Variants in PITPNA observed in about 807,000 individuals in gnomAD.
PITPNA encodes phosphatidylinositol transfer protein alpha isoform.
PITPNA carries 13 observed loss-of-function variants against 50.3 expected under a neutral mutation model. The observed-to-expected ratio is 0.26, with a 90% CI of 0.17 to 0.41. The LOEUF (loss-of-function observed/expected upper bound fraction) is 0.41. Among genes scored for constraint, PITPNA ranks in the 10% least tolerant of loss-of-function variants. The probability of loss-of-function intolerance (pLI) is 1.00; values close to 1 mark genes in which losing one functional copy is unlikely to be tolerated. For missense variants in PITPNA, 207 were observed against 333.4 expected (o/e 0.62, Z 2.95); for synonymous variants, 120 against 119.6 (o/e 1.00, Z -0.02).
chr17:1,531,112 G>A (rs1442454752), intron 10 of PITPNA, among the ~76,000 whole-genome samples: 3 of 152,096 alleles, frequency 2.0e-5, no homozygotes, highest in African/African-American at 7.2e-5. Context: ...AGGACCCCAG[G>A]TGCTGCTAGG....
intron 10 of PITPNA, among the ~76,000 whole-genome samples, chr17:1,527,565 G>A (rs1287939438): frequency 6.6e-6 from 1 of 152,136 alleles, no homozygotes; most frequent in Non-Finnish European, 1.5e-5. Context: ...GTTTTTAACA[G>A]TGGTTTCCTT....
chr17:1,535,145 A>T (rs766779405), intron 9 of PITPNA, 37 bp downstream of exon 9: 2 of 1,271,542 alleles, frequency 1.6e-6, no homozygotes, highest in Non-Finnish European at 2.3e-6. Context: ...CAACACACAC[A>T]CGCAGTCACT....
At chr17:1,533,068 G>A (rs750423255) in intron 10 of PITPNA, among the ~76,000 whole-genome samples, 1 of 152,240 alleles carries the variant, frequency 6.6e-6, no homozygotes, top group Non-Finnish European at 1.5e-5. Flanking sequence ...CTGAGGCCCT[G>A]CAGGAGAGCT....
At chr17:1,551,506 TG>T (rs2075709154) in intron 3 of PITPNA, among the ~76,000 whole-genome samples, 1 of 152,070 alleles carries the variant, frequency 6.6e-6, no homozygotes, top group Non-Finnish European at 1.5e-5. Context: ...TTGCCCAGGC[TG>T]GTCTCAAACT....
intron 3 of PITPNA, among the ~76,000 whole-genome samples, chr17:1,551,001 G>C (rs1263411461): frequency 6.6e-6 from 1 of 152,088 alleles, no homozygotes; most frequent in Non-Finnish European, 1.5e-5. Flanking sequence ...GGGCAAGTGA[G>C]AGTGTTGCGG....
At chr17:1,551,347 A>G (rs1252391368) in intron 3 of PITPNA, among the ~76,000 whole-genome samples, 2 of 149,432 alleles carry the variant, frequency 1.3e-5, no homozygotes, top group Non-Finnish European at 1.5e-5. Flanking sequence ...GCTGGAGTGC[A>G]GTGGCGTGAC....
At chr17:1,536,489 CCGT>C (rs2151006663) in intron 7 of PITPNA, among the ~76,000 whole-genome samples, 1 of 152,160 alleles carries the variant, frequency 6.6e-6, no homozygotes, top group East Asian at 1.9e-4. Flanking sequence ...CGGGGTTTCA[CCGT>C]GTTAGCCAGG....
Position 1,521,567 on chromosome 17 carries a change from T to G in PITPNA, c.*22+12A>C, listed in dbSNP as rs544395704. On this transcript the variant is annotated intron_variant, in intron 11 of 11. Transcript: ENST00000313486. ...CGTCTGTGACACGCACAGTGAGAAATTTGGTACGTACAGTGCAGAGGGGAA... is the reference window on the plus strand; with the variant it reads ...CGTCTGTGACACGCACAGTGAGAAAGTTGGTACGTACAGTGCAGAGGGGAA... 6.3e-7 allele frequency: 1 copy of G among 1,587,792 alleles called. No homozygotes were observed. Among genetic ancestry groups the G allele is most frequent in the Admixed American group, 1.7e-5 (1 of 59,966 alleles).
At chr17:1,545,329 C>G (rs944679135) in intron 4 of PITPNA, among the ~76,000 whole-genome samples, 1 of 152,234 alleles carries the variant, frequency 6.6e-6, no homozygotes, top group Non-Finnish European at 1.5e-5. Context: ...CATCTATCTT[C>G]CTTCAAACTT....
At chr17:1,539,143 G>A (rs1567581151) in intron 6 of PITPNA, among the ~76,000 whole-genome samples, 191 bp from the exon 7 acceptor site, 1 of 151,978 alleles carries the variant, frequency 6.6e-6, no homozygotes, top group Non-Finnish European at 1.5e-5. Context: ...TAAGAGATGG[G>A]GTCTCACCGT....
intron 10 of PITPNA, 37 bp downstream of exon 10, chr17:1,534,062 G>T: frequency 1.2e-6 from 2 of 1,612,126 alleles, no homozygotes; most frequent in Non-Finnish European, 1.7e-6. Flanking sequence ...ATCTTCGTTT[G>T]TTTATCTAAT....
At chr17:1,541,016 G>A (rs1399070236) in intron 6 of PITPNA, among the ~76,000 whole-genome samples, 4 of 151,990 alleles carry the variant, frequency 2.6e-5, no homozygotes, top group South Asian at 2.1e-4. Flanking sequence ...CTCCAGCCTC[G>A]GCCTCCAGAG....
intron 10 of PITPNA, among the ~76,000 whole-genome samples, chr17:1,529,137 CAAAAAAAAA>C: frequency 1.1e-5 from 1 of 91,052 alleles, no homozygotes; most frequent in South Asian, 4.4e-4. Flanking sequence ...GACTCCATCT[CAAAAAAAAA>C]AAAAAAAAAA....
At chr17:1,558,405 T>C in intron 2 of PITPNA, 124 bp downstream of exon 2, 1 of 682,050 alleles carries the variant, frequency 1.5e-6, no homozygotes, top group South Asian at 1.7e-5. Context: ...GAAATTCACA[T>C]TGAAATATTT....
chr17:1,551,702 ATC>A (rs1345604889), intron 3 of PITPNA, among the ~76,000 whole-genome samples: 1 of 152,208 alleles, frequency 6.6e-6, no homozygotes, highest in Non-Finnish European at 1.5e-5. Context: ...CAACTTCACC[ATC>A]TCTTTTCAAA....
intron 10 of PITPNA, among the ~76,000 whole-genome samples, chr17:1,532,489 G>A (rs2075590095): frequency 6.6e-6 from 1 of 152,292 alleles, no homozygotes; most frequent in East Asian, 1.9e-4. Context: ...TAGATCCTCT[G>A]GAGAGTTCTT....
chr17:1,523,832 C>T (rs1336331789), intron 10 of PITPNA, among the ~76,000 whole-genome samples: 5 of 151,596 alleles, frequency 3.3e-5, no homozygotes, highest in African/African-American at 9.7e-5. Flanking sequence ...TTTATTTTTT[C>T]GGTGTGTGTG....
intron 7 of PITPNA, chr17:1,538,411 C>T (rs1361379327): frequency 3.2e-5 from 5 of 158,170 alleles, no homozygotes; most frequent in South Asian, 3.6e-4. Flanking sequence ...TCTGAAAAGG[C>T]GCCACCGACT....
intron 2 of PITPNA, among the ~76,000 whole-genome samples, chr17:1,554,759 C>T (rs2075727094): frequency 6.6e-6 from 1 of 152,064 alleles, no homozygotes; most frequent in Admixed American, 6.6e-5. Flanking sequence ...CACTGCTCAC[C>T]ACAAGGCTGA....
Sources: allele counts gnomAD v4.1 joint callset (sites outside exome capture counted in the v4.1 genomes callset), GRCh38; gene constraint gnomAD v4.1.1; transcripts MANE v1.5; gene names NCBI Gene and HGNC (gene_info 2026-07-23, HGNC 2026-07-21).